Variants in DCLK2 observed in about 807,000 individuals in gnomAD.
DCLK2 encodes serine/threonine-protein kinase DCLK2.
In DCLK2, 31 loss-of-function variants were observed where a neutral mutation model predicts 78.4. That is an observed-to-expected ratio of 0.40 (90% CI 0.30 to 0.53). The LOEUF is 0.53. Ranked by LOEUF, DCLK2 falls within the 20% of genes least tolerant of loss-of-function variation. The probability of loss-of-function intolerance (pLI) is 0.61; values close to 1 mark genes in which losing one functional copy is unlikely to be tolerated. For missense variants in DCLK2, 872 were observed against 973.7 expected (o/e 0.90, Z 1.39); for synonymous variants, 407 against 374.9 (o/e 1.09, Z -0.99).
intron 8 of DCLK2, among the ~76,000 whole-genome samples, chr4:150,228,084 G>A (rs563620841): frequency 1.3e-5 from 2 of 152,026 alleles, no homozygotes; most frequent in Non-Finnish European, 2.9e-5. Context: ...CCGTCTTCAC[G>A]CTGCCTTCTT....
At chr4:150,159,155 C>T (rs935651635) in intron 2 of DCLK2, among the ~76,000 whole-genome samples, 1 of 152,094 alleles carries the variant, frequency 6.6e-6, no homozygotes, top group Non-Finnish European at 1.5e-5. Context: ...TTGTGCCCTC[C>T]GGAAGGACAG....
rs1162700630 is a variant in DCLK2, at chr4:150,198,157, C to T, written c.961+54C>T. The T allele has an allele frequency of 8.1e-6, 12 of 1,478,986 alleles. No individual in the cohort carries two copies. In the Admixed American group the frequency reaches 2.5e-4, roughly 30 times the overall value. 91.6% of individuals were successfully genotyped at this position (1,478,986 alleles called of 1,614,324 possible). ...ATAGCAGGAACAGATCATTTTCCTT[C>T]TGTTTTCTCTAATTTTTATGAATTA... On this transcript the variant is annotated intron_variant, in intron 4 of 15. Coordinates refer to ENST00000296550, the MANE Select transcript of DCLK2 (RefSeq NM_001040260.4).
chr4:150,217,738 A>G (rs1294122029), intron 5 of DCLK2, among the ~76,000 whole-genome samples: 2 of 152,212 alleles, frequency 1.3e-5, no homozygotes, highest in African/African-American at 4.8e-5. Context: ...CAGCTGCACT[A>G]TAATAAAACT....
intron 2 of DCLK2, among the ~76,000 whole-genome samples, chr4:150,147,249 GAT>G (rs1734546060): frequency 6.6e-6 from 1 of 152,170 alleles, no homozygotes; most frequent in East Asian, 1.9e-4. Flanking sequence ...AGTGAGCTAT[GAT>G]CATGCCACTG....
chr4:150,084,353 A>G (rs1325096366), intron 1 of DCLK2, among the ~76,000 whole-genome samples: 1 of 152,218 alleles, frequency 6.6e-6, no homozygotes, highest in Non-Finnish European at 1.5e-5. Flanking sequence ...TTGTGAAAAT[A>G]TATGTTTTTG....
intron 4 of DCLK2, chr4:150,198,917 C>CCA (rs913281940): frequency 2.5e-5 from 15 of 592,190 alleles, no homozygotes; most frequent in Admixed American, 2.5e-4. Flanking sequence ...AGCACCCCCC[C>CCA]CCCCACTTTC....
At chr4:150,083,230 G>A (rs2150129376) in intron 1 of DCLK2, among the ~76,000 whole-genome samples, 1 of 152,314 alleles carries the variant, frequency 6.6e-6, no homozygotes, top group South Asian at 2.1e-4. Flanking sequence ...CTGATGAAGT[G>A]CTTGCCAAGA....
chr4:150,179,183 A>C (rs1580659967), intron 2 of DCLK2, among the ~76,000 whole-genome samples: 1 of 152,030 alleles, frequency 6.6e-6, no homozygotes, highest in African/African-American at 2.4e-5. Context: ...GCCCGCCACC[A>C]TGCCTGGCTA....
At chr4:150,079,498 G>A (rs1168007854) in intron 1 of DCLK2, 50 bp downstream of exon 1, 1 of 1,435,496 alleles carries the variant, frequency 7.0e-7, no homozygotes, top group Non-Finnish European at 9.2e-7. Flanking sequence ...GCCGGCAGGT[G>A]CAGTGGGCGT....
intron 5 of DCLK2, 77 bp downstream of exon 5, chr4:150,203,966 G>T (rs1739650693): frequency 5.2e-6 from 7 of 1,354,456 alleles, no homozygotes; most frequent in Non-Finnish European, 6.3e-6. Context: ...TAATTTGTTT[G>T]GGGGCTTGAG....
At chr4:150,080,942 G>GTAAAAA in intron 1 of DCLK2, among the ~76,000 whole-genome samples, 1 of 152,344 alleles carries the variant, frequency 6.6e-6, no homozygotes, top group African/African-American at 2.4e-5. Context: ...GGGATAGCTG[G>GTAAAAA]AGGAGTATAA....
At chr4:150,188,065 T>G in intron 2 of DCLK2, among the ~76,000 whole-genome samples, 1 of 152,172 alleles carries the variant, frequency 6.6e-6, no homozygotes, top group Non-Finnish European at 1.5e-5. Context: ...TCCCAAAGTG[T>G]TGGGATTGCA....
chr4:150,157,811 C>T (rs779674715), intron 2 of DCLK2, among the ~76,000 whole-genome samples: 2 of 152,140 alleles, frequency 1.3e-5, no homozygotes, highest in Admixed American at 6.5e-5. Context: ...CCGCTCCTGG[C>T]AGAGATGGAG....
At chr4:150,248,003 T>G (rs1313216012) in intron 13 of DCLK2, among the ~76,000 whole-genome samples, 1 of 152,224 alleles carries the variant, frequency 6.6e-6, no homozygotes, top group East Asian at 1.9e-4. Context: ...GATGAACTTG[T>G]GAAACACACT....
At position 150,078,961 on chromosome 4, in the gene DCLK2, T is replaced by A. The variant is rs926608712; in HGVS notation, c.-67T>A. ...AAGGGCCCTCGCAGTCAGACGTCCC[T>A]GCACCGGCGCTCGCACCCTTAGTCG... On this transcript the variant is annotated 5_prime_UTR_variant, in exon 1 of 16. Coordinates refer to ENST00000296550, the MANE Select transcript of DCLK2 (RefSeq NM_001040260.4). 4 of 1,465,238 alleles carry A rather than the reference T, an allele frequency of 2.7e-6. No individual in the cohort carries two copies. Among genetic ancestry groups the A allele is most frequent in the Non-Finnish European group, 3.6e-6 (4 of 1,108,438 alleles). 90.8% of individuals were successfully genotyped at this position (1,465,238 alleles called of 1,614,324 possible). A position where few individuals can be genotyped will look rare whatever the true frequency, so the allele number is the denominator to read the frequency against.
chr4:150,195,574 T>G (rs1738976828), intron 3 of DCLK2, among the ~76,000 whole-genome samples: 1 of 136,298 alleles, frequency 7.3e-6, no homozygotes, highest in Non-Finnish European at 1.5e-5. Flanking sequence ...TCAGGTGTCA[T>G]TTTGAAAGCT....
At chr4:150,240,195 G>A (rs1560901454) in intron 11 of DCLK2, among the ~76,000 whole-genome samples, 1 of 152,210 alleles carries the variant, frequency 6.6e-6, no homozygotes, top group Non-Finnish European at 1.5e-5. Flanking sequence ...TGAGAGTATG[G>A]CAGTAGTCAC....
intron 3 of DCLK2, among the ~76,000 whole-genome samples, chr4:150,194,770 G>T (rs1401493309): frequency 6.6e-6 from 1 of 152,034 alleles, no homozygotes; most frequent in Non-Finnish European, 1.5e-5. Flanking sequence ...ACCACTTCTA[G>T]TTGTAGTGTT....
At chr4:150,122,863 T>C (rs912445955) in intron 2 of DCLK2, among the ~76,000 whole-genome samples, 3 of 152,246 alleles carry the variant, frequency 2.0e-5, no homozygotes, top group Non-Finnish European at 4.4e-5. Flanking sequence ...CTCACACTTT[T>C]ATGTCATAGC....
Sources: allele counts gnomAD v4.1 joint callset (sites outside exome capture counted in the v4.1 genomes callset), GRCh38; gene constraint gnomAD v4.1.1; transcripts MANE v1.5; gene names NCBI Gene and HGNC (gene_info 2026-07-23, HGNC 2026-07-21).